LIPI: variants seen among roughly 807,000 people sequenced by gnomAD.
LIPI encodes lipase member I.
In LIPI, 59 loss-of-function variants were observed where a neutral mutation model predicts 50.6. The observed-to-expected ratio is 1.16, with a 90% CI of 0.94 to 1.45. The LOEUF is 1.45. LIPI is among the 40% of genes most tolerant of loss of function. The pLI is 0.00. For missense variants in LIPI, 586 were observed against 536.3 expected (o/e 1.09, Z -0.92); for synonymous variants, 203 against 178.2 (o/e 1.14, Z -1.11).
intron 4 of LIPI, among the ~76,000 whole-genome samples, chr21:14,169,193 G>A (rs1163925997): frequency 6.6e-6 from 1 of 152,094 alleles, no homozygotes; most frequent in African/African-American, 2.4e-5. Flanking sequence ...CCCAATACAG[G>A]AGCATCCAGA....
chr21:14,128,803 A>G (rs1413961064), intron 9 of LIPI, among the ~76,000 whole-genome samples: 1 of 152,118 alleles, frequency 6.6e-6, no homozygotes, highest in Non-Finnish European at 1.5e-5. Context: ...CTACTTTCAG[A>G]GATAAAATTG....
At chr21:14,153,870 A>G (rs1243575823) in intron 7 of LIPI, among the ~76,000 whole-genome samples, 1 of 152,136 alleles carries the variant, frequency 6.6e-6, no homozygotes, top group Non-Finnish European at 1.5e-5. Context: ...GAAAACATAA[A>G]TTGTTTCTTG....
At chr21:14,118,782 G>A (rs781580990) in intron 9 of LIPI, among the ~76,000 whole-genome samples, 1 of 152,190 alleles carries the variant, frequency 6.6e-6, no homozygotes, top group Non-Finnish European at 1.5e-5. Flanking sequence ...CTACTACAAG[G>A]AACCTACCTG....
At chr21:14,134,888 A>G (rs188975985) in intron 9 of LIPI, among the ~76,000 whole-genome samples, 3 of 152,316 alleles carry the variant, frequency 2.0e-5, no homozygotes, top group East Asian at 1.9e-4. Flanking sequence ...GGCAAAGAAT[A>G]TATGGTCAAA....
chr21:14,189,445 C>G (rs1460772279), intron 1 of LIPI, 26 bp from the exon 2 acceptor site: 18 of 1,601,870 alleles, frequency 1.1e-5, no homozygotes, highest in Non-Finnish European at 1.5e-5. Flanking sequence ...GTCAGTCAAG[C>G]TGAGTACTGG....
At chr21:14,138,276 A>T (rs1025364914) in intron 9 of LIPI, among the ~76,000 whole-genome samples, 2 of 152,114 alleles carry the variant, frequency 1.3e-5, no homozygotes, top group Non-Finnish European at 2.9e-5. Context: ...ATAGATAGAT[A>T]AAAAAATAAA....
At chr21:14,185,583 T>C (rs1350791260) in intron 3 of LIPI, among the ~76,000 whole-genome samples, 1 of 152,182 alleles carries the variant, frequency 6.6e-6, no homozygotes, top group Admixed American at 6.5e-5. Context: ...ACCCACTAAA[T>C]TTTAAGCAAA....
intron 9 of LIPI, among the ~76,000 whole-genome samples, chr21:14,129,523 C>T (rs2017200834): frequency 6.6e-6 from 1 of 151,424 alleles, no homozygotes; most frequent in South Asian, 2.1e-4. Context: ...ATACAATTAC[C>T]ACCTAGAATT....
chr21:14,130,131 A>G (rs553823527), intron 9 of LIPI, among the ~76,000 whole-genome samples: 23 of 152,330 alleles, frequency 1.5e-4, no homozygotes, highest in African/African-American at 5.1e-4. Flanking sequence ...AGAGTTCTAG[A>G]GTCCCAGTCC....
At chr21:14,119,914 C>T (rs2016798984) in intron 9 of LIPI, among the ~76,000 whole-genome samples, 1 of 152,152 alleles carries the variant, frequency 6.6e-6, no homozygotes, top group African/African-American at 2.4e-5. Context: ...TCAGGTGCCC[C>T]ACACAGTTGT....
intron 1 of LIPI, chr21:14,206,915 G>A (rs765400664): frequency 6.2e-7 from 1 of 1,602,446 alleles, no homozygotes; most frequent in African/African-American, 1.3e-5. Flanking sequence ...GTAAACATTT[G>A]AGCAACATAA....
chr21:14,189,265 A>G lies in LIPI; in HGVS notation c.201T>C (p.Asn67=). 1.2e-6 allele frequency: 2 copies of G among 1,614,002 alleles called. No individual in the cohort carries two copies. The highest frequency in any genetic ancestry group is 1.7e-6 in the Non-Finnish European group (2 of 1,179,862). Residue 67 remains asparagine (N), a synonymous_variant, in exon 2 of 10, where the codon AAT becomes AAC. Coordinates refer to ENST00000681601, the MANE Select transcript of LIPI (RefSeq NM_001302998.2). The stretch of plus-strand genomic sequence containing the variant: ...TTTTCTTTTGTGTGTTGAAATTAAC[A>G]TTAAGTGAGTTATTTTGTTCAAACA... ...EPLFEQNNSL[N]VNFNTQKKTV...
chr21:14,206,792 A>T, intron 1 of LIPI: 1 of 1,362,382 alleles, frequency 7.3e-7, no homozygotes, highest in Non-Finnish European at 1.0e-6. Flanking sequence ...ATATATGAAG[A>T]AAGTGAAGTT....
chr21:14,165,291 T>C lies in LIPI; in HGVS notation c.833A>G (p.Tyr278Cys), dbSNP rs771701267. Residue 278 changes from tyrosine to cysteine, a missense_variant, in exon 6 of 10, where the codon TAC (tyrosine) becomes TGC (cysteine). By Grantham distance (194) the Tyr-to-Cys change is radical (BLOSUM62 -2). Coordinates refer to ENST00000681601, the MANE Select transcript of LIPI (RefSeq NM_001302998.2). ...ACATAAGCTAGTCTTGTAATCTTTG[T>C]ATGAACGACAAGGAAATGAAATAAA... The part of the protein sequence containing the change: ...CNFISFPCRS[Y>C]KDYKTSLCVD... 3.7e-6 allele frequency: 6 copies of C among 1,612,814 alleles called. No homozygotes were observed. The highest frequency in any genetic ancestry group is 4.2e-6 in the Non-Finnish European group (5 of 1,179,120).
At chr21:14,152,766 G>GAA in intron 7 of LIPI, 82 bp from the exon 8 acceptor site, 1 of 675,630 alleles carries the variant, frequency 1.5e-6, no homozygotes, top group Non-Finnish European at 2.6e-6. Flanking sequence ...ATATATATGT[G>GAA]TATGTATAGA....
intron 8 of LIPI, among the ~76,000 whole-genome samples, chr21:14,149,662 T>G (rs370005818): frequency 2.0e-5 from 3 of 152,194 alleles, no homozygotes; most frequent in East Asian, 3.9e-4. Context: ...ATACACCCAT[T>G]CCAAATGAGA....
chr21:14,130,235 G>C (rs576294589), intron 9 of LIPI, among the ~76,000 whole-genome samples: 1 of 152,292 alleles, frequency 6.6e-6, no homozygotes, highest in East Asian at 1.9e-4. Context: ...AGCTGTTTGG[G>C]AGGCTGAGGC....
intron 9 of LIPI, among the ~76,000 whole-genome samples, chr21:14,133,854 G>C (rs1158528020): frequency 6.6e-6 from 1 of 152,142 alleles, no homozygotes; most frequent in African/African-American, 2.4e-5. Context: ...CAAGGACAAA[G>C]TTAAAAAGAC....
chr21:14,183,124 GAGAAAT>G (rs2019331593), intron 3 of LIPI, among the ~76,000 whole-genome samples: 1 of 152,300 alleles, frequency 6.6e-6, no homozygotes, highest in East Asian at 1.9e-4. Flanking sequence ...TACCAAAACA[GAGAAAT>G]AGACCAATGG....
Sources: gnomAD v4.1 joint callset for allele counts (sites outside exome capture counted in the v4.1 genomes callset) on GRCh38, gnomAD v4.1.1 for gene constraint, MANE v1.5 for transcripts, NCBI Gene and HGNC (gene_info 2026-07-23, HGNC 2026-07-21) for gene names.